The following SHANK2 variants were observed in gnomAD, a reference collection of about 807,000 sequenced individuals.
SHANK2 encodes SH3 and multiple ankyrin repeat domains 2.
In SHANK2, 43 loss-of-function variants were observed where a neutral mutation model predicts 133.7. That is an observed-to-expected ratio of 0.32 (90% confidence interval 0.25 to 0.41). The LOEUF (loss-of-function observed/expected upper bound fraction) is 0.41, where lower values mean the gene tolerates loss of function less well. Ranked by LOEUF, SHANK2 falls within the 10% of genes least tolerant of loss-of-function variation. SHANK2 has a pLI of 1.00. For synonymous variants in SHANK2, 1,017 were observed against 952.8 expected, an observed-to-expected ratio of 1.07 and a Z score of -1.24; for missense variants, 1,994 against 2,235.8, an observed-to-expected ratio of 0.89 and a Z score of 2.18.
chr11:70,659,979 C>T (rs368256370), intron 16 of SHANK2, 27 bp from the exon 17 acceptor site: 151 of 1,614,044 alleles, frequency 9.4e-5, no homozygotes, highest in Non-Finnish European at 1.2e-4. Context: ...CACCTGGTTA[C>T]AAGCCTGGGA....
At chr11:70,678,389 C>A (rs1327121962) in intron 15 of SHANK2, among the ~76,000 whole-genome samples, 1 of 152,182 alleles carries the variant, frequency 6.6e-6, no homozygotes, top group Non-Finnish European at 1.5e-5. Context: ...ATGCCTCAGC[C>A]TCCCAAGGTG....
intron 2 of SHANK2, among the ~76,000 whole-genome samples, chr11:71,210,028 T>A (rs562783249): frequency 6.6e-4 from 100 of 151,354 alleles, no homozygotes; most frequent in African/African-American, 2.3e-3. Flanking sequence ...CATCAGATGC[T>A]CAAACGAGTC....
intron 14 of SHANK2, among the ~76,000 whole-genome samples, chr11:70,766,070 G>C (rs571324380): frequency 2.0e-5 from 3 of 152,324 alleles, no homozygotes; most frequent in Admixed American, 6.5e-5. Context: ...ATGATGTTAT[G>C]GCTGATCATC....
chr11:70,646,444 A>T (rs1260918075), intron 17 of SHANK2: 4 of 152,394 alleles, frequency 2.6e-5, no homozygotes, highest in African/African-American at 9.6e-5. Flanking sequence ...CCACCCTGCC[A>T]TCCCTCAAGT....
intron 11 of SHANK2, among the ~76,000 whole-genome samples, chr11:70,871,476 C>T (rs990726989): frequency 3.3e-5 from 5 of 152,222 alleles, no homozygotes; most frequent in Non-Finnish European, 7.3e-5. Flanking sequence ...TGGCACTGAG[C>T]CTCCTTCACG....
intron 14 of SHANK2, among the ~76,000 whole-genome samples, chr11:70,732,291 G>A (rs1444814760): frequency 3.3e-5 from 5 of 152,202 alleles, no homozygotes; most frequent in Non-Finnish European, 7.3e-5. Flanking sequence ...GTGCCTGCAG[G>A]TCACAGACAA....
intron 22 of SHANK2, among the ~76,000 whole-genome samples, chr11:70,491,857 C>A (rs1485285290): frequency 6.6e-6 from 1 of 152,214 alleles, no homozygotes; most frequent in Non-Finnish European, 1.5e-5. Context: ...CCCACTGCGC[C>A]CAGCAGCCAC....
intron 10 of SHANK2, among the ~76,000 whole-genome samples, chr11:71,056,203 G>A (rs1435942231): frequency 2.0e-5 from 3 of 152,304 alleles, no homozygotes; most frequent in East Asian, 1.9e-4. Context: ...AAGCACTTAC[G>A]TCTTTGCTGC....
intron 11 of SHANK2, among the ~76,000 whole-genome samples, chr11:70,824,498 C>A (rs915066429): frequency 6.6e-6 from 1 of 152,172 alleles, no homozygotes; most frequent in Non-Finnish European, 1.5e-5. Context: ...GCCACCCAGG[C>A]TGGCCGGGGA....
rs1275622602 is a variant in SHANK2, at chr11:70,761,827, C to T, written c.1777+36616G>A. Among the ~76,000 whole-genome samples, 4 of 152,248 alleles carry T rather than the reference C, an allele frequency of 2.6e-5. No homozygotes were observed. In the East Asian group the frequency reaches 5.8e-4, roughly 22 times the overall value. ...CTCAGCCATCCTTGTGCAGATACCC[C>T]CAAACCTGAGCTGCCCCGGAGGGCT... On this transcript the variant is annotated intron_variant, in intron 14 of 25. Transcript: ENST00000601538.
chr11:70,676,468 G>A (rs1591737584), intron 15 of SHANK2, among the ~76,000 whole-genome samples: 1 of 152,180 alleles, frequency 6.6e-6, no homozygotes, highest in East Asian at 1.9e-4. Flanking sequence ...ATCATACTTG[G>A]AGCTATGGCT....
Position 70,812,707 on chromosome 11 carries a change from A to G in SHANK2, c.1494-5536T>C, listed in dbSNP as rs191688416. ...CCCAGGGAGAAGGGCTGCCCCGCTCAGGAGACATGGCACCCGGGCCACGCT... is the reference window on the plus strand; with the variant it reads ...CCCAGGGAGAAGGGCTGCCCCGCTCGGGAGACATGGCACCCGGGCCACGCT... On this transcript the variant is annotated intron_variant, in intron 12 of 25. Transcript: ENST00000601538. 2.6e-5 allele frequency among the ~76,000 whole-genome samples: 4 copies of G among 152,358 alleles called. No individual in the cohort carries two copies. The East Asian group carries it at 7.7e-4, about 29-fold the overall frequency.
chr11:70,617,555 G>A (rs782242608), intron 17 of SHANK2, among the ~76,000 whole-genome samples: 3 of 152,110 alleles, frequency 2.0e-5, no homozygotes, highest in Non-Finnish European at 2.9e-5. Context: ...GGGGGCAGAC[G>A]CAGCTGTCGC....
At chr11:70,909,953 A>G (rs1950165121) in intron 10 of SHANK2, among the ~76,000 whole-genome samples, 1 of 152,146 alleles carries the variant, frequency 6.6e-6, no homozygotes, top group Admixed American at 6.5e-5. Flanking sequence ...TGGAGGCTGG[A>G]GTCTGAGATC....
chr11:71,127,311 C>T (rs76752032), intron 3 of SHANK2, among the ~76,000 whole-genome samples: 2,565 of 152,296 alleles, frequency 0.017, 80 homozygotes, highest in African/African-American at 0.059. Flanking sequence ...AATGTCCACA[C>T]AGGATCTAGA....
intron 17 of SHANK2, among the ~76,000 whole-genome samples, chr11:70,659,082 C>A (rs2061447477): frequency 6.6e-6 from 1 of 152,112 alleles, no homozygotes; most frequent in African/African-American, 2.4e-5. Context: ...AACTGAACAC[C>A]TAAACTCACA....
intron 8 of SHANK2, among the ~76,000 whole-genome samples, chr11:71,084,899 AT>A (rs1444056292): frequency 1.3e-5 from 2 of 152,156 alleles, no homozygotes; most frequent in African/African-American, 2.4e-5. Flanking sequence ...AGGATATAGA[AT>A]CATAGTGCAA....
intron 9 of SHANK2, among the ~76,000 whole-genome samples, chr11:71,070,294 C>T (rs1223138096): frequency 6.6e-6 from 1 of 152,186 alleles, no homozygotes; most frequent in Admixed American, 6.5e-5. Context: ...GAGGGATACA[C>T]GAAGCTGGAT....
At chr11:70,885,734 G>A (rs1392373909) in intron 11 of SHANK2, among the ~76,000 whole-genome samples, 1 of 152,192 alleles carries the variant, frequency 6.6e-6, no homozygotes, top group Non-Finnish European at 1.5e-5. Context: ...CATGTACACA[G>A]CATTCGGGGC....
Sources: allele counts gnomAD v4.1 joint callset (sites outside exome capture counted in the v4.1 genomes callset), GRCh38; gene constraint gnomAD v4.1.1; transcripts MANE v1.5; gene names NCBI Gene and HGNC (gene_info 2026-07-23, HGNC 2026-07-21).